LGALS12: variants seen among roughly 807,000 people sequenced by gnomAD.
The protein encoded by LGALS12 is galectin-12.
Under a neutral mutation model 36.8 loss-of-function variants are expected in LGALS12, and 36 were observed. That is an observed-to-expected ratio of 0.98 (90% CI 0.75 to 1.29). LGALS12 has a LOEUF of 1.29. Ranked by LOEUF, LGALS12 falls within the 50% of genes most tolerant of loss-of-function variation. The pLI is 0.00. For missense variants in LGALS12, 366 were observed against 394.3 expected (o/e 0.93, Z 0.61); for synonymous variants, 145 against 155.9 (o/e 0.93, Z 0.52).
rs2016815604 is a variant in LGALS12 at position 63,508,621 on chromosome 11, G to A, written c.138G>A (p.Val46=). The change falls in exon 2 of 9, where the codon GTG becomes GTA. Residue 46 remains valine, a synonymous_variant. Coordinates refer to ENST00000394618, the MANE Select transcript of LGALS12 (RefSeq NM_033101.4). ...HAGKMVMLQG[V]VPLDAHRFQV... ...GCAAGATGGTCATGCTGCAAGGAGT[G>A]GTCCCTCTAGATGCACACAGGTAAG... The A allele has an allele frequency of 1.9e-6, 3 of 1,614,022 alleles. No individual in the cohort carries two copies. The highest frequency in any genetic ancestry group is 2.5e-6 in the Non-Finnish European group (3 of 1,180,034).
At chr11:63,512,043 A>G (rs2016942208) in intron 7 of LGALS12, among the ~76,000 whole-genome samples, 1 of 152,198 alleles carries the variant, frequency 6.6e-6, no homozygotes, top group Non-Finnish European at 1.5e-5. Context: ...CGACAGCCCC[A>G]CTGCTGGGAG....
chr11:63,511,419 G>T (rs2016917291), intron 6 of LGALS12, among the ~76,000 whole-genome samples: 1 of 152,194 alleles, frequency 6.6e-6, no homozygotes. Flanking sequence ...CCAGGCTCTA[G>T]GATAGAGGAA....
chr11:63,512,485 CCT>C (rs757636944), intron 7 of LGALS12, among the ~76,000 whole-genome samples: 92 of 152,274 alleles, frequency 6.0e-4, no homozygotes, highest in Non-Finnish European at 6.0e-4. Flanking sequence ...CCTCTGTTTT[CCT>C]CTCTGTAAGA....
At chr11:63,510,528 G>A in intron 5 of LGALS12, 27 bp downstream of exon 5, 1 of 1,611,692 alleles carries the variant, frequency 6.2e-7, no homozygotes, top group Non-Finnish European at 8.5e-7. Context: ...CAAGGTCTGA[G>A]CAGCCACACC....
intron 8 of LGALS12, 69 bp downstream of exon 8, chr11:63,515,782 G>A: frequency 6.5e-7 from 1 of 1,530,826 alleles, no homozygotes; most frequent in East Asian, 2.3e-5. Context: ...TAATGACCTG[G>A]GAGATGCTGG....
chr11:63,508,754 T>C (rs1366322297), intron 2 of LGALS12, 24 bp from the exon 3 acceptor site: 1 of 1,613,920 alleles, frequency 6.2e-7, no homozygotes, highest in African/African-American at 1.3e-5. Context: ...AGAACCGCAC[T>C]TTGAGAGCCT....
intron 7 of LGALS12, among the ~76,000 whole-genome samples, chr11:63,513,650 C>A (rs1398914570): frequency 6.6e-6 from 1 of 152,198 alleles, no homozygotes; most frequent in Non-Finnish European, 1.5e-5. Flanking sequence ...ACCAATGCAG[C>A]TGCTGCTATT....
rs540635458 is a variant in LGALS12, at chr11:63,509,789, T to C, written c.384T>C (p.Asn128=). The change falls in exon 4 of 9, where the codon AAT becomes AAC. Residue 128 remains asparagine (N), a synonymous_variant. Transcript: ENST00000394618. ...FGNEEVKVSV[N]GQHFLHFRYR... ...GTCTGTCTCTCCAGGTGAGTGTGAA[T>C]GGACAGCACTTTCTCCACTTCCGCT... 1 of 1,614,140 alleles carries C rather than the reference T, an allele frequency of 6.2e-7. No individual in the cohort carries two copies. The highest frequency in any genetic ancestry group is 2.2e-5 in the East Asian group (1 of 44,880).
intron 1 of LGALS12, chr11:63,508,006 T>G: frequency 7.3e-5 from 72 of 986,458 alleles, no homozygotes; most frequent in East Asian, 1.1e-4. Flanking sequence ...CCCAGAGTGC[T>G]GAGATTACAG....
At chr11:63,506,887 G>A (rs893784977) in intron 1 of LGALS12, among the ~76,000 whole-genome samples, 1 of 152,184 alleles carries the variant, frequency 6.6e-6, no homozygotes, top group African/African-American at 2.4e-5. Flanking sequence ...CTGGAAGGAA[G>A]GGTCAGGTGG....
chr11:63,513,143 A>G (rs1590651429), intron 7 of LGALS12, among the ~76,000 whole-genome samples: 2 of 152,336 alleles, frequency 1.3e-5, no homozygotes, highest in East Asian at 3.9e-4. Flanking sequence ...GTCGTGGGCC[A>G]GTCACTAAAC....
At position 63,509,828 on chromosome 11, in the gene LGALS12, G is replaced by A; in HGVS notation, c.423G>A (p.Leu141=). Residue 141 remains leucine, a synonymous_variant, in exon 4 of 9, where the codon CTG becomes CTA. Transcript: ENST00000394618. ...TCCACTTCCGCTACCGGCTCCCACT[G>A]TCTCATGTGGACACGCTGGGTATAT... ...HFLHFRYRLP[L]SHVDTLGIFG... is the part of the protein sequence containing the mutation. 6.2e-7 allele frequency: 1 copy of A among 1,614,146 alleles called. No individual in the cohort carries two copies. The highest frequency in any genetic ancestry group is 1.7e-5 in the Admixed American group (1 of 60,022).
Position 63,516,284 on chromosome 11 carries a change from C to T in LGALS12, c.836C>T (p.Ala279Val), listed in dbSNP as rs895981210. ...TTCCAGGAGGGAGGGCTGAAGCTGG[C>T]GCTCAATGGGCAGGGGCTGGGGGCC... The part of the protein sequence containing the change: ...LLFQEGGLKL[A>V]LNGQGLGATS... Residue 279 changes from alanine (A) to valine (V), a missense_variant, in exon 9 of 9, where the codon GCG becomes GTG. Ala to Val is a moderately conservative substitution (Grantham distance 64, BLOSUM62 0). Transcript: ENST00000394618. 6 of 1,602,608 alleles carry T rather than the reference C, an allele frequency of 3.7e-6. No individual in the cohort carries two copies. Among genetic ancestry groups the T allele is most frequent in the South Asian group, 2.2e-5 (2 of 89,944 alleles).
chr11:63,514,225 G>A (rs2017011382), intron 7 of LGALS12, among the ~76,000 whole-genome samples: 5 of 152,314 alleles, frequency 3.3e-5, no homozygotes, highest in South Asian at 4.2e-4. Context: ...AGGATGCCGC[G>A]CCTTCTCCAG....
chr11:63,511,234 T>C, intron 6 of LGALS12, 129 bp downstream of exon 6: 1 of 732,084 alleles, frequency 1.4e-6, no homozygotes, highest in Non-Finnish European at 2.2e-6. Context: ...AACTGCAGGC[T>C]GTGGGTGGGC....
rs2017088323 is a variant in LGALS12, at chr11:63,516,467, A to G, written c.*74A>G. 6.5e-7 allele frequency: 1 copy of G among 1,548,802 alleles called. No homozygotes were observed. Among genetic ancestry groups the G allele is most frequent in the South Asian group, 1.1e-5 (1 of 88,998 alleles). On this transcript the variant is annotated 3_prime_UTR_variant, in exon 9 of 9. Coordinates refer to ENST00000394618, the MANE Select transcript of LGALS12 (RefSeq NM_033101.4). Reference sequence around the variant, plus strand: ...CCCAGGGCCCCACTCTCCTCCCCTCATTAAACCATCCACCTGACACCAGCA... The same window carrying G: ...CCCAGGGCCCCACTCTCCTCCCCTCGTTAAACCATCCACCTGACACCAGCA...
In LGALS12 at chr11:63,506,376, G is replaced by T. The variant is rs558696887; in HGVS notation, c.-83G>T. On this transcript the variant is annotated 5_prime_UTR_variant, in exon 1 of 9. Coordinates refer to ENST00000394618, the MANE Select transcript of LGALS12 (RefSeq NM_033101.4). Reference sequence around the variant, plus strand: ...TGGGAGAGCTGCTCCAGGCATTTAGGACCCTGACTGGGGCAGATGAGTCAG... The same window carrying T: ...TGGGAGAGCTGCTCCAGGCATTTAGTACCCTGACTGGGGCAGATGAGTCAG... 6.2e-7 allele frequency: 1 copy of T among 1,614,098 alleles called. No homozygotes were observed. Among genetic ancestry groups the T allele is most frequent in the African/African-American group, 1.3e-5 (1 of 75,052 alleles).
intron 7 of LGALS12, 62 bp from the exon 8 acceptor site, chr11:63,515,501 G>A (rs1421460625): frequency 1.9e-6 from 3 of 1,586,040 alleles, no homozygotes; most frequent in Non-Finnish European, 2.6e-6. Flanking sequence ...TCCCCTGGGG[G>A]CTGAGCAGCG....
chr11:63,514,906 T>C (rs1356857614), intron 7 of LGALS12, among the ~76,000 whole-genome samples: 2 of 152,168 alleles, frequency 1.3e-5, no homozygotes, highest in African/African-American at 4.8e-5. Flanking sequence ...GTAGAGATTG[T>C]ATTATATAGC....
Sources: allele counts gnomAD v4.1 joint callset (sites outside exome capture counted in the v4.1 genomes callset), GRCh38; gene constraint gnomAD v4.1.1; transcripts MANE v1.5; gene names NCBI Gene and HGNC (gene_info 2026-07-23, HGNC 2026-07-21).